RBM39: variants seen among roughly 807,000 people sequenced by gnomAD.
RBM39 encodes RNA binding motif protein 39, also known as RNA-binding protein 39.
In RBM39, 12 loss-of-function variants were observed where a neutral mutation model predicts 79.6. The observed-to-expected ratio is 0.15, with a 90% confidence interval of 0.10 to 0.24. The LOEUF (loss-of-function observed/expected upper bound fraction) is 0.24, where lower values mean the gene tolerates loss of function less well. RBM39 is among the 10% of genes least tolerant of loss of function. The probability of loss-of-function intolerance (pLI) is 1.00; values close to 1 mark genes in which losing one functional copy is unlikely to be tolerated. For synonymous variants in RBM39, 185 were observed against 208.4 expected, an observed-to-expected ratio of 0.89 and a Z score of 0.97; for missense variants, 243 against 653.4, an observed-to-expected ratio of 0.37 and a Z score of 6.85.
At chr20:35,715,980 C>A (rs2425088) in intron 10 of RBM39, among the ~76,000 whole-genome samples, 27,999 of 152,232 alleles carry the variant, frequency 0.18, 2,956 homozygotes, top group African/African-American at 0.3. Context: ...CCACCACAGA[C>A]TCTGAGCAGC....
chr20:35,711,994 G>A (rs903058406), intron 12 of RBM39, among the ~76,000 whole-genome samples: 6 of 152,150 alleles, frequency 3.9e-5, no homozygotes, highest in Non-Finnish European at 8.8e-5. Flanking sequence ...GTGGGAGGCT[G>A]AGGCACCAGA....
chr20:35,704,984 G>A (rs2035543630), intron 15 of RBM39: 11 of 585,170 alleles, frequency 1.9e-5, no homozygotes, highest in Non-Finnish European at 3.0e-5. Flanking sequence ...GAATCAAGAT[G>A]CCAAGATTTC....
intron 8 of RBM39, among the ~76,000 whole-genome samples, chr20:35,722,216 G>A (rs887289754): frequency 8.6e-5 from 13 of 151,870 alleles, no homozygotes; most frequent in Non-Finnish European, 1.6e-4. Context: ...GACCATACTG[G>A]CTAACACAGT....
intron 6 of RBM39, 87 bp from the exon 7 acceptor site, chr20:35,725,242 G>C: frequency 1.1e-6 from 1 of 923,018 alleles, no homozygotes; most frequent in South Asian, 1.8e-5. Context: ...TAGTTCAACA[G>C]GTTTTCAGGT....
intron 2 of RBM39, 168 bp downstream of exon 2, chr20:35,740,656 T>C: frequency 7.6e-7 from 1 of 1,317,852 alleles, no homozygotes; most frequent in Non-Finnish European, 1.1e-6. Context: ...TACTGCACAA[T>C]ATTATTACAT....
chr20:35,729,873 T>TA, intron 4 of RBM39, among the ~76,000 whole-genome samples: 1 of 151,466 alleles, frequency 6.6e-6, no homozygotes. Context: ...CACACATATA[T>TA]AAAAAATAAA....
Position 35,702,961 on chromosome 20 carries a change from G to C in RBM39, c.*1520C>G, listed in dbSNP as rs919157287. 2 of 151,810 alleles carry C rather than the reference G, an allele frequency of 1.3e-5. No individual in the cohort carries two copies. The highest frequency in any genetic ancestry group is 6.6e-5 in the Admixed American group (1 of 15,252). 9.4% of individuals were successfully genotyped at this position (151,810 alleles called of 1,614,324 possible). A position where few individuals can be genotyped will look rare whatever the true frequency, so the allele number is the denominator to read the frequency against. On this transcript the variant is annotated 3_prime_UTR_variant, in exon 17 of 17. Coordinates refer to ENST00000253363, the MANE Select transcript of RBM39 (RefSeq NM_184234.3). ...AGTTTCCATACAAATTAAATCACTA[G>C]AACAATTATTGGGATAAATGTCAAA...
intron 4 of RBM39, chr20:35,731,298 A>G (rs1156695210): frequency 6.6e-6 from 1 of 152,340 alleles, no homozygotes; most frequent in Non-Finnish European, 1.5e-5. Flanking sequence ...TAACCATAAT[A>G]TATTTGTTTC....
intron 9 of RBM39, among the ~76,000 whole-genome samples, chr20:35,718,326 G>A (rs1015411432): frequency 4.0e-5 from 6 of 151,664 alleles, no homozygotes; most frequent in Admixed American, 6.6e-5. Context: ...AGGAGTAGTC[G>A]TGGATGAAGT....
At chr20:35,740,039 A>G (rs2040361462) in intron 2 of RBM39, 1 of 158,386 alleles carries the variant, frequency 6.3e-6, no homozygotes, top group Non-Finnish European at 1.4e-5. Flanking sequence ...AGACTATATT[A>G]GCCAATATAA....
At chr20:35,728,069 G>A (rs930362587) in intron 6 of RBM39, among the ~76,000 whole-genome samples, 2 of 152,290 alleles carry the variant, frequency 1.3e-5, no homozygotes, top group South Asian at 2.1e-4. Context: ...TTACCCGCGT[G>A]AGCCACCGGG....
intron 3 of RBM39, 53 bp downstream of exon 3, chr20:35,738,915 T>G (rs539919150): frequency 6.6e-7 from 1 of 1,507,992 alleles, no homozygotes; most frequent in South Asian, 1.1e-5. Context: ...ACTTAAGGTC[T>G]AAAACCACAA....
intron 9 of RBM39, among the ~76,000 whole-genome samples, chr20:35,721,227 AC>A (rs1314831268): frequency 1.3e-5 from 2 of 152,126 alleles, no homozygotes; most frequent in Non-Finnish European, 2.9e-5. Flanking sequence ...GAGCCACCGC[AC>A]CCGGCCAACA....
At chr20:35,714,491 C>T (rs1424126621) in intron 10 of RBM39, 102 bp from the exon 11 acceptor site, 1 of 1,379,514 alleles carries the variant, frequency 7.2e-7, no homozygotes, top group East Asian at 2.6e-5. Context: ...TCAATAATTA[C>T]TTCTGAATAC....
chr20:35,735,696 C>A (rs908935111), intron 3 of RBM39, among the ~76,000 whole-genome samples: 1 of 152,116 alleles, frequency 6.6e-6, no homozygotes, highest in African/African-American at 2.4e-5. Flanking sequence ...ACATAAAGTT[C>A]CTTCAGAAAA....
At chr20:35,709,031 T>A (rs1486785704) in intron 13 of RBM39, 193 bp downstream of exon 13, 1 of 458,140 alleles carries the variant, frequency 2.2e-6, no homozygotes, top group Non-Finnish European at 3.8e-6. Flanking sequence ...TTGATTTTTT[T>A]TAAGTCCATT....
At chr20:35,731,037 T>TTA (rs1424447634) in intron 4 of RBM39, among the ~76,000 whole-genome samples, 2 of 152,196 alleles carry the variant, frequency 1.3e-5, no homozygotes, top group Admixed American at 1.3e-4. Context: ...TATCTGAAAC[T>TTA]TATTATCTCC....
At chr20:35,717,077 T>C in intron 9 of RBM39, among the ~76,000 whole-genome samples, 1 of 152,038 alleles carries the variant, frequency 6.6e-6, no homozygotes, top group Admixed American at 6.6e-5. Context: ...GTCAGGAGTT[T>C]GGGACCAGCC....
rs889499069 is a variant in RBM39 at position 35,724,498 on chromosome 20, C to G, written c.687+72G>C. 46 of 1,444,662 alleles carry G rather than the reference C, an allele frequency of 3.2e-5. No individual in the cohort carries two copies. The African/African-American group carries it at 6.2e-4, about 19-fold the overall frequency. 89.5% of individuals were successfully genotyped at this position (1,444,662 alleles called of 1,614,324 possible). On this transcript the variant is annotated intron_variant, in intron 8 of 16. Transcript: ENST00000253363. ...AATGAGCAGCAGTCACAGAACACAA[C>G]AGCACTATACCATGCAACAGGAGGC...
Sources: allele counts gnomAD v4.1 joint callset (sites outside exome capture counted in the v4.1 genomes callset), GRCh38; gene constraint gnomAD v4.1.1; transcripts MANE v1.5; gene names NCBI Gene and HGNC (gene_info 2026-07-23, HGNC 2026-07-21).